GPR89B: variants seen among roughly 807,000 people sequenced by gnomAD.
GPR89B encodes golgi pH regulator B.
Under a neutral mutation model 52.4 loss-of-function variants are expected in GPR89B, and 25 were observed. The ratio of observed to expected loss-of-function variants is 0.48; its 90% CI spans 0.35 to 0.67. The LOEUF is 0.67. Ranked by LOEUF, GPR89B falls within the 30% of genes least tolerant of loss-of-function variation. GPR89B has a pLI of 0.01. For synonymous variants in GPR89B, 52 were observed against 151.2 expected (o/e 0.34, Z 4.81); for missense variants, 146 against 450.2 (o/e 0.32, Z 6.11).
intron 5 of GPR89B, among the ~76,000 whole-genome samples, chr1:147,949,946 C>T (rs1457496020): frequency 3.6e-5 from 5 of 140,354 alleles, no homozygotes; most frequent in African/African-American, 8.4e-5. Flanking sequence ...ACCTCCCTCC[C>T]GGACGGTGCG....
intron 10 of GPR89B, among the ~76,000 whole-genome samples, chr1:147,979,596 G>A (rs1284153935): frequency 6.6e-6 from 1 of 152,058 alleles, no homozygotes; most frequent in Non-Finnish European, 1.5e-5. Flanking sequence ...TCATGAAAAG[G>A]TGTTGGATTT....
At chr1:147,979,577 T>G (rs1658083642) in intron 10 of GPR89B, among the ~76,000 whole-genome samples, 1 of 152,144 alleles carries the variant, frequency 6.6e-6, no homozygotes, top group Non-Finnish European at 1.5e-5. Flanking sequence ...GTTTATTGAG[T>G]ATTGTTAATC....
intron 7 of GPR89B, among the ~76,000 whole-genome samples, chr1:147,957,475 A>G (rs1656203090): frequency 6.6e-6 from 1 of 151,808 alleles, no homozygotes; most frequent in East Asian, 1.9e-4. Flanking sequence ...TTTGCTTTTC[A>G]TGCTTTGCCT....
chr1:147,997,951 T>A (rs1391711836), downstream of GPR89B, among the ~76,000 whole-genome samples: 1 of 152,218 alleles, frequency 6.6e-6, no homozygotes, highest in African/African-American at 2.4e-5. Context: ...TCACTTCTAT[T>A]ATGCCAAACT....
intron 10 of GPR89B, among the ~76,000 whole-genome samples, chr1:147,978,355 C>G (rs1330635058): frequency 6.6e-6 from 1 of 151,910 alleles, no homozygotes; most frequent in East Asian, 1.9e-4. Flanking sequence ...GCAAAGATGG[C>G]TGCTTGCTCC....
rs1553252516 is a variant in GPR89B at position 147,963,812 on chromosome 1, A to G, written c.618-2742A>G. Among the ~76,000 whole-genome samples the G allele has an allele frequency of 3.3e-5, 5 of 152,282 alleles. No individual in the cohort carries two copies. In the East Asian group the frequency reaches 7.7e-4, roughly 23 times the overall value. On this transcript the variant is annotated intron_variant, in intron 7 of 13. Coordinates refer to ENST00000314163, the MANE Select transcript of GPR89B (RefSeq NM_016334.5). Reference sequence around the variant, plus strand: ...TTCTTTAAAAGCTAAACATGCCGTTACCACACCCCAACAATTGCACTCCTG... The same window carrying G: ...TTCTTTAAAAGCTAAACATGCCGTTGCCACACCCCAACAATTGCACTCCTG...
At chr1:147,970,491 A>ATT (rs1219320826) in intron 10 of GPR89B, among the ~76,000 whole-genome samples, 2 of 105,814 alleles carry the variant, frequency 1.9e-5, no homozygotes, top group East Asian at 6.6e-4. Context: ...GTGAGACTCC[A>ATT]TCTCTCTCTC....
intron 12 of GPR89B, among the ~76,000 whole-genome samples, chr1:147,989,926 G>T (rs1201988306): frequency 6.6e-6 from 1 of 152,170 alleles, no homozygotes; most frequent in Admixed American, 6.5e-5. Context: ...ATAAACATAC[G>T]TGTGCATGTG....
chr1:147,945,668 C>T (rs1255365226), intron 5 of GPR89B, among the ~76,000 whole-genome samples: 1 of 152,080 alleles, frequency 6.6e-6, no homozygotes, highest in Non-Finnish European at 1.5e-5. Context: ...CTTTCATGAC[C>T]TGGCTGCTGC....
intron 3 of GPR89B, among the ~76,000 whole-genome samples, chr1:147,939,996 A>C (rs1558035533): frequency 6.6e-6 from 1 of 151,792 alleles, no homozygotes; most frequent in African/African-American, 2.4e-5. Context: ...TAAAAAAAAG[A>C]GTGAGAGAGA....
chr1:147,956,467 A>G (rs1360325002), intron 7 of GPR89B, among the ~76,000 whole-genome samples: 12 of 152,100 alleles, frequency 7.9e-5, no homozygotes, highest in African/African-American at 2.9e-4. Flanking sequence ...CATTAAATCT[A>G]TAGATTGCTT....
At chr1:147,954,987 T>G (rs1656009220) in intron 7 of GPR89B, among the ~76,000 whole-genome samples, 2 of 152,012 alleles carry the variant, frequency 1.3e-5, no homozygotes, top group African/African-American at 2.4e-5. Context: ...CTGTACAGTA[T>G]GTTGCAAAGA....
chr1:147,997,680 T>C (rs1659348852), downstream of GPR89B, among the ~76,000 whole-genome samples: 4 of 152,018 alleles, frequency 2.6e-5, no homozygotes, highest in South Asian at 8.3e-4. Context: ...CTCTCATACC[T>C]GTATCTATAT....
intron 3 of GPR89B, among the ~76,000 whole-genome samples, chr1:147,939,426 A>G (rs587680181): frequency 1.3e-3 from 194 of 152,374 alleles, no homozygotes; most frequent in Non-Finnish European, 2.2e-3. Flanking sequence ...GTATGTTTTT[A>G]GGCCAGCATT....
intron 7 of GPR89B, among the ~76,000 whole-genome samples, chr1:147,955,352 C>T (rs1427021771): frequency 1.3e-5 from 2 of 152,010 alleles, no homozygotes; most frequent in Non-Finnish European, 2.9e-5. Flanking sequence ...GTAAATAATA[C>T]TGCAGTGAAC....
intron 10 of GPR89B, 106 bp downstream of exon 10, chr1:147,970,065 A>G (rs1171427987): frequency 1.2e-6 from 1 of 828,802 alleles, no homozygotes; most frequent in Non-Finnish European, 1.8e-6. Context: ...TCCAAATGTG[A>G]TTGCATCAAC....
At chr1:147,984,770 G>C (rs1658543509) in intron 10 of GPR89B, among the ~76,000 whole-genome samples, 1 of 149,052 alleles carries the variant, frequency 6.7e-6, no homozygotes, top group African/African-American at 2.5e-5. Flanking sequence ...TTGATTCATG[G>C]GTGATTTAGA....
the GPR89B span, among the ~76,000 whole-genome samples, chr1:148,007,094 G>A: frequency 1.9e-5 from 1 of 51,558 alleles, no homozygotes; most frequent in African/African-American, 8.5e-5. Flanking sequence ...TTTTTTTTTT[G>A]AGACGGAGTC....
intron 9 of GPR89B, chr1:147,969,418 A>T: frequency 4.8e-6 from 1 of 206,470 alleles, no homozygotes; most frequent in South Asian, 8.5e-5. Flanking sequence ...AATATAATTT[A>T]AATGTGCAAA....
Sources: allele counts gnomAD v4.1 joint callset (sites outside exome capture counted in the v4.1 genomes callset), GRCh38; gene constraint gnomAD v4.1.1; transcripts MANE v1.5; gene names NCBI Gene and HGNC (gene_info 2026-07-23, HGNC 2026-07-21).